The following ATP8A2 variants were observed in gnomAD, a reference collection of about 807,000 sequenced individuals.
ATP8A2 encodes ATPase phospholipid transporting 8A2, also known as phospholipid-transporting ATPase IB.
ATP8A2 carries 100 observed loss-of-function variants against 165.6 expected under a neutral mutation model. The ratio of observed to expected loss-of-function variants is 0.60; its 90% confidence interval spans 0.51 to 0.71. ATP8A2 has a LOEUF of 0.71. Ranked by LOEUF, ATP8A2 falls within the 30% of genes least tolerant of loss-of-function variation. The pLI, the probability that ATP8A2 is intolerant of heterozygous loss-of-function variation, is 0.00. For missense variants in ATP8A2, 1,227 were observed against 1,479.5 expected (o/e 0.83, Z 2.80); for synonymous variants, 543 against 548.8 (o/e 0.99, Z 0.15).
intron 7 of ATP8A2, among the ~76,000 whole-genome samples, chr13:25,539,060 A>AGT (rs57382485): frequency 0.27 from 37,354 of 137,250 alleles, 4,953 homozygotes; most frequent in Middle Eastern, 0.34. Flanking sequence ...TAGAAAATTT[A>AGT]GTGTGTGTGT....
At chr13:25,813,797 C>G (rs1362180371) in intron 27 of ATP8A2, among the ~76,000 whole-genome samples, 1 of 152,168 alleles carries the variant, frequency 6.6e-6, no homozygotes, top group Non-Finnish European at 1.5e-5. Context: ...AGCTTAACAT[C>G]TAAATAGGGA....
At chr13:25,463,637 C>A (rs544462572) in intron 1 of ATP8A2, among the ~76,000 whole-genome samples, 2 of 152,096 alleles carry the variant, frequency 1.3e-5, no homozygotes, top group Non-Finnish European at 2.9e-5. Flanking sequence ...CTTATTGCCA[C>A]GCACACATTC....
intron 2 of ATP8A2, among the ~76,000 whole-genome samples, chr13:25,469,879 G>A (rs2035794917): frequency 6.6e-6 from 1 of 152,198 alleles, no homozygotes; most frequent in Non-Finnish European, 1.5e-5. Flanking sequence ...TATCACGGGT[G>A]TTCGTACATT....
intron 24 of ATP8A2, among the ~76,000 whole-genome samples, chr13:25,592,827 A>C (rs1035745601): frequency 2.0e-5 from 3 of 152,118 alleles, no homozygotes; most frequent in African/African-American, 4.8e-5. Context: ...CCAAACTGAG[A>C]AGGGTTTTAT....
chr13:25,518,453 A>G (rs1363621478), intron 2 of ATP8A2, among the ~76,000 whole-genome samples: 4 of 152,252 alleles, frequency 2.6e-5, no homozygotes, highest in South Asian at 2.1e-4. Flanking sequence ...GGAATGCAGT[A>G]GAATAAGGCA....
intron 33 of ATP8A2, among the ~76,000 whole-genome samples, chr13:25,906,845 G>A (rs1225745348): frequency 1.3e-5 from 2 of 152,166 alleles, no homozygotes; most frequent in African/African-American, 4.8e-5. Flanking sequence ...TGTACTTGGA[G>A]CATGGATCCT....
At chr13:26,003,618 C>T (rs760532048) in intron 35 of ATP8A2, among the ~76,000 whole-genome samples, 8 of 151,992 alleles carry the variant, frequency 5.3e-5, no homozygotes, top group African/African-American at 1.9e-4. Context: ...TGTCATAGAC[C>T]TTTCCCCTAT....
At chr13:25,600,313 C>T (rs904261054) in intron 24 of ATP8A2, among the ~76,000 whole-genome samples, 1 of 152,198 alleles carries the variant, frequency 6.6e-6, no homozygotes, top group African/African-American at 2.4e-5. Flanking sequence ...CATTCTCTCT[C>T]TGCCCCTCTC....
chr13:25,946,478 C>T (rs906798355), intron 33 of ATP8A2, among the ~76,000 whole-genome samples: 11 of 152,314 alleles, frequency 7.2e-5, no homozygotes, highest in Admixed American at 5.9e-4. Context: ...TCCATCCCAA[C>T]ATCTTCAGCT....
intron 26 of ATP8A2, among the ~76,000 whole-genome samples, chr13:25,771,295 G>A (rs1023854078): frequency 2.0e-5 from 3 of 152,162 alleles, no homozygotes; most frequent in Admixed American, 6.5e-5. Context: ...CCGGCCCCAC[G>A]CACACCTGCC....
intron 33 of ATP8A2, among the ~76,000 whole-genome samples, chr13:25,950,007 C>A (rs1041516004): frequency 1.3e-5 from 2 of 152,136 alleles, no homozygotes; most frequent in Non-Finnish European, 1.5e-5. Context: ...ACCATGTTGG[C>A]CAGGCTGATC....
At chr13:25,574,910 C>T (rs575276708) in intron 19 of ATP8A2, 53 bp downstream of exon 19, 2 of 1,025,422 alleles carry the variant, frequency 2.0e-6, no homozygotes, top group Non-Finnish European at 3.0e-6. Context: ...TATTTACCAG[C>T]TTCATCAGAG....
At position 25,469,035 on chromosome 13, in the gene ATP8A2, G is replaced by A. The variant is rs1025087733; in HGVS notation, c.135G>A (p.Thr45=). 1 of 1,614,078 alleles carries A rather than the reference G, an allele frequency of 6.2e-7. No individual in the cohort carries two copies. The highest frequency in any genetic ancestry group is 2.2e-5 in the East Asian group (1 of 44,868). ...KKAEDEMSRA[T]SVGDQLEAPA... Reference sequence around the variant, plus strand: ...CAGAGGATGAGATGTCCCGGGCCACGTCTGTTGGAGACCAGCTGGAGGCAC... The same window carrying A: ...CAGAGGATGAGATGTCCCGGGCCACATCTGTTGGAGACCAGCTGGAGGCAC... The change falls in exon 2 of 37, where the codon ACG becomes ACA. Residue 45 remains threonine, a synonymous_variant. Transcript: ENST00000381655.
chr13:25,871,849 G>C (rs779111179), intron 33 of ATP8A2, among the ~76,000 whole-genome samples: 1 of 152,220 alleles, frequency 6.6e-6, no homozygotes, highest in African/African-American at 2.4e-5. Context: ...ACTTCGATTC[G>C]CAATACTTTT....
intron 24 of ATP8A2, among the ~76,000 whole-genome samples, chr13:25,602,148 C>T (rs184407943): frequency 6.6e-6 from 1 of 152,170 alleles, no homozygotes; most frequent in East Asian, 1.9e-4. Flanking sequence ...GTTGCTTGAA[C>T]AATTTTTTTC....
At chr13:25,480,924 C>G (rs1216350613) in intron 2 of ATP8A2, among the ~76,000 whole-genome samples, 1 of 152,102 alleles carries the variant, frequency 6.6e-6, no homozygotes, top group African/African-American at 2.4e-5. Context: ...GAGGCCGAGG[C>G]TGGTGGATCA....
chr13:25,473,323 T>C (rs1419980258), intron 2 of ATP8A2, among the ~76,000 whole-genome samples: 2 of 152,238 alleles, frequency 1.3e-5, no homozygotes, highest in Non-Finnish European at 2.9e-5. Flanking sequence ...ATCATAATGA[T>C]GGAGAATTAT....
intron 1 of ATP8A2, among the ~76,000 whole-genome samples, chr13:25,375,364 GTAAGGAAAT>G (rs1285743730): frequency 6.6e-6 from 1 of 152,186 alleles, no homozygotes; most frequent in Non-Finnish European, 1.5e-5. Context: ...ACCCAGATGA[GTAAGGAAAT>G]TAAGGGTGTA....
intron 27 of ATP8A2, among the ~76,000 whole-genome samples, chr13:25,826,792 A>G (rs55995104): frequency 6.6e-6 from 1 of 151,166 alleles, no homozygotes. Context: ...TGAATTCCAT[A>G]TTTTCATGTT....
Sources: allele counts gnomAD v4.1 joint callset (sites outside exome capture counted in the v4.1 genomes callset), GRCh38; gene constraint gnomAD v4.1.1; transcripts MANE v1.5; gene names NCBI Gene and HGNC (gene_info 2026-07-23, HGNC 2026-07-21).